SMYD3: variants seen among roughly 807,000 people sequenced by gnomAD.
SMYD3 encodes the protein SET and MYND domain containing 3.
SMYD3 carries 36 observed loss-of-function variants against 57.7 expected under a neutral mutation model. The observed-to-expected ratio is 0.62, with a 90% CI of 0.48 to 0.82. The LOEUF (loss-of-function observed/expected upper bound fraction) is 0.82, where lower values mean the gene tolerates loss of function less well. Among genes scored for constraint, SMYD3 ranks in the 40% least tolerant of loss-of-function variants. The pLI, the probability that SMYD3 is intolerant of heterozygous loss-of-function variation, is 0.00. For synonymous variants in SMYD3, 211 were observed against 195.0 expected (o/e 1.08, Z -0.68); for missense variants, 515 against 538.8 (o/e 0.96, Z 0.44).
At chr1:246,065,590 C>G (rs1041756682) in intron 5 of SMYD3, among the ~76,000 whole-genome samples, 1 of 152,222 alleles carries the variant, frequency 6.6e-6, no homozygotes, top group Non-Finnish European at 1.5e-5. Context: ...ATGCAATCCT[C>G]TTCGTTTGTT....
chr1:246,419,993 A>C (rs2067118758), intron 1 of SMYD3, among the ~76,000 whole-genome samples: 1 of 152,202 alleles, frequency 6.6e-6, no homozygotes, highest in Admixed American at 6.5e-5. Context: ...CAGGAGATCG[A>C]GACTTCTCCA....
rs1028061924 is a variant in SMYD3, at chr1:245,823,517, A to G, written c.1076+34979T>C. ...ATTTCCTGGGCCAAATGCATTGTTC[A>G]GGCAAAGCTCCCATTCATGTCAACA... is the stretch of plus-strand genomic sequence containing the variant. On this transcript the variant is annotated intron_variant, in intron 10 of 11. Transcript: ENST00000490107. Among the ~76,000 whole-genome samples, 10 of 152,204 alleles carry G rather than the reference A, an allele frequency of 6.6e-5. No individual in the cohort carries two copies. In the East Asian group the frequency reaches 1.7e-3, roughly 26 times the overall value.
intron 1 of SMYD3, among the ~76,000 whole-genome samples, chr1:246,430,914 T>C (rs1274680183): frequency 1.3e-5 from 2 of 151,864 alleles, no homozygotes; most frequent in Non-Finnish European, 2.9e-5. Flanking sequence ...ACCAGGAACG[T>C]GGGAAAAGAG....
At chr1:245,774,702 T>TC (rs1460881739) in intron 10 of SMYD3, among the ~76,000 whole-genome samples, 4 of 124,464 alleles carry the variant, frequency 3.2e-5, no homozygotes, top group African/African-American at 9.0e-5. Context: ...CCTCTCCCTC[T>TC]CCACGGTCTC....
intron 5 of SMYD3, among the ~76,000 whole-genome samples, chr1:246,164,208 G>A (rs951123635): frequency 6.6e-6 from 1 of 152,198 alleles, no homozygotes; most frequent in Non-Finnish European, 1.5e-5. Flanking sequence ...ATTGCCTGAG[G>A]TCAGGAGTTC....
intron 1 of SMYD3, among the ~76,000 whole-genome samples, chr1:246,471,410 T>A (rs2067960863): frequency 6.6e-6 from 1 of 152,204 alleles, no homozygotes; most frequent in East Asian, 1.9e-4. Flanking sequence ...TTGCCCAGCC[T>A]GGTCTCAAAA....
chr1:246,041,849 C>T (rs1332236065), intron 5 of SMYD3, among the ~76,000 whole-genome samples: 1 of 152,002 alleles, frequency 6.6e-6, no homozygotes, highest in Non-Finnish European at 1.5e-5. Flanking sequence ...AATACATACG[C>T]TTTAATCATA....
rs1184762049 is a variant in SMYD3, at chr1:246,188,073, T to TA, written c.531+139127dup. On this transcript the variant is annotated intron_variant, in intron 5 of 11. Transcript: ENST00000490107. ...TAAATATCGATTTATTAATTTACAA[T>TA]AAAAAAACTAATGGGTGAAAGGACT... is the stretch of plus-strand genomic sequence containing the variant. Among the ~76,000 whole-genome samples, 5 of 152,206 alleles carry TA rather than the reference T, an allele frequency of 3.3e-5. No individual in the cohort carries two copies. The East Asian group carries it at 5.8e-4, about 18-fold the overall frequency.
chr1:246,476,217 G>A (rs1423236494), intron 1 of SMYD3, among the ~76,000 whole-genome samples: 1 of 152,124 alleles, frequency 6.6e-6, no homozygotes, highest in African/African-American at 2.4e-5. Flanking sequence ...TCTAAACATT[G>A]CAAACGTACC....
At chr1:245,837,682 T>C (rs982193045) in intron 10 of SMYD3, among the ~76,000 whole-genome samples, 4 of 152,158 alleles carry the variant, frequency 2.6e-5, no homozygotes, top group African/African-American at 7.2e-5. Flanking sequence ...CACATTAGTT[T>C]AGGTGCCGGG....
intron 5 of SMYD3, among the ~76,000 whole-genome samples, chr1:246,195,316 A>C (rs1270231905): frequency 6.6e-6 from 1 of 152,216 alleles, no homozygotes; most frequent in Non-Finnish European, 1.5e-5. Flanking sequence ...TGTCATTATC[A>C]AACCACAGAA....
chr1:246,455,009 G>T (rs779751318), intron 1 of SMYD3, among the ~76,000 whole-genome samples: 6 of 152,170 alleles, frequency 3.9e-5, no homozygotes, highest in African/African-American at 9.6e-5. Context: ...AAGATGTAGG[G>T]TGATAATTCA....
chr1:246,171,937 G>A (rs942566558), intron 5 of SMYD3, among the ~76,000 whole-genome samples: 1 of 152,216 alleles, frequency 6.6e-6, no homozygotes, highest in African/African-American at 2.4e-5. Context: ...CTTGAGCCCA[G>A]GAGTTCGAGG....
intron 5 of SMYD3, among the ~76,000 whole-genome samples, chr1:246,037,131 TTAGC>T (rs1386817302): frequency 6.6e-6 from 1 of 152,208 alleles, no homozygotes; most frequent in Non-Finnish European, 1.5e-5. Flanking sequence ...ATTTCATGTA[TTAGC>T]TAAAGTATCA....
At chr1:246,264,089 T>C (rs1010225743) in intron 5 of SMYD3, among the ~76,000 whole-genome samples, 1 of 152,068 alleles carries the variant, frequency 6.6e-6, no homozygotes, top group African/African-American at 2.4e-5. Context: ...TACATATAAA[T>C]AGAAGGAAAC....
At chr1:246,233,745 T>A (rs1227383612) in intron 5 of SMYD3, among the ~76,000 whole-genome samples, 2 of 118,482 alleles carry the variant, frequency 1.7e-5, no homozygotes, top group African/African-American at 3.4e-5. Flanking sequence ...CAATTCACAC[T>A]GTGATGAACA....
At chr1:245,788,687 G>C (rs1239277512) in intron 10 of SMYD3, among the ~76,000 whole-genome samples, 1 of 152,186 alleles carries the variant, frequency 6.6e-6, no homozygotes, top group East Asian at 1.9e-4. Context: ...TAGCCTAGTG[G>C]CTGGATTCCT....
At chr1:246,329,506 T>C (rs2065422178) in intron 4 of SMYD3, among the ~76,000 whole-genome samples, 1 of 152,206 alleles carries the variant, frequency 6.6e-6, no homozygotes, top group Non-Finnish European at 1.5e-5. Context: ...GAAGTGTCTG[T>C]TCATGTCCTT....
At chr1:246,024,583 G>A (rs56099280) in intron 5 of SMYD3, among the ~76,000 whole-genome samples, 6 of 70 alleles carry the variant, frequency 0.086, 1 homozygote, top group African/African-American at 0.12. Flanking sequence ...CAGGAAGTGG[G>A]CAGCATCTAG....
Sources: allele counts gnomAD v4.1 joint callset (sites outside exome capture counted in the v4.1 genomes callset), GRCh38; gene constraint gnomAD v4.1.1; transcripts MANE v1.5; gene names NCBI Gene and HGNC (gene_info 2026-07-23, HGNC 2026-07-21).